HMCN1: variants seen among roughly 807,000 people sequenced by gnomAD.
HMCN1 encodes hemicentin-1.
A neutral mutation model predicts 625.9 loss-of-function variants in HMCN1; 321 were observed. The observed-to-expected ratio is 0.51, with a 90% CI of 0.47 to 0.56. The LOEUF (loss-of-function observed/expected upper bound fraction) is 0.56, where lower values mean the gene tolerates loss of function less well. Ranked by LOEUF, HMCN1 falls within the 20% of genes least tolerant of loss-of-function variation. The pLI is 0.00. For missense variants in HMCN1, 6,588 were observed against 6,887.3 expected (o/e 0.96, Z 1.54); for synonymous variants, 2,425 against 2,417.6 (o/e 1.00, Z -0.09).
intron 1 of HMCN1, among the ~76,000 whole-genome samples, chr1:185,799,751 G>T (rs112639238): frequency 0.05 from 7,606 of 152,148 alleles, 590 homozygotes; most frequent in African/African-American, 0.17. Context: ...AATGGGCTGT[G>T]CAGGTGACCT....
chr1:186,126,227 C>T (rs891308941), intron 82 of HMCN1, among the ~76,000 whole-genome samples: 9 of 149,264 alleles, frequency 6.0e-5, no homozygotes, highest in Admixed American at 2.7e-4. Context: ...CAATCAGAAG[C>T]AGTCATTAAT....
chr1:185,920,494 T>C (rs1379002679), intron 6 of HMCN1, among the ~76,000 whole-genome samples: 1 of 152,188 alleles, frequency 6.6e-6, no homozygotes, highest in Non-Finnish European at 1.5e-5. Context: ...CCTCAGAGAA[T>C]AGTAAACCTA....
rs16824847 is a variant in HMCN1, at chr1:186,000,318, A to G, written c.4069+79A>G. The G allele has an allele frequency of 0.011, 10,779 of 977,120 alleles. 670 individuals are homozygous for G. In the African/African-American group the frequency reaches 0.15, roughly 13 times the overall value. 60.5% of individuals were successfully genotyped at this position (977,120 alleles called of 1,614,324 possible). ...ATGTTTAAATTATTCTCTCAGTGTA[A>G]TATCATTTAATATTAATGTGAATAG... On this transcript the variant is annotated intron_variant, in intron 26 of 106. Transcript: ENST00000271588.
chr1:185,743,549 G>A (rs1250824613), intron 1 of HMCN1, among the ~76,000 whole-genome samples: 1 of 152,218 alleles, frequency 6.6e-6, no homozygotes, highest in East Asian at 1.9e-4. Context: ...TGGATTGGCT[G>A]AAGGGGTGTT....
Position 186,115,403 on chromosome 1 carries a change from GA to G in HMCN1, c.11552del (p.Asn3851ThrfsTer11). Reference sequence around the variant, plus strand: ...ATCTTCTTAATGTGGATCAAAATCAGAACTCATACAGGTAAGGATAATTTAA... The same window carrying G: ...ATCTTCTTAATGTGGATCAAAATCAGACTCATACAGGTAAGGATAATTTAA... ...GHLLNVDQNQ[N>X]SYRLLSSGSL... is the part of the protein sequence containing the mutation. On this transcript the variant is annotated frameshift_variant, in exon 75 of 107. Transcript: ENST00000271588. LOFTEE classifies it high-confidence loss of function. 6.2e-7 allele frequency: 1 copy of G among 1,613,206 alleles called. No homozygotes were observed.
In HMCN1 at chr1:186,045,810, C is replaced by T; in HGVS notation, c.6427C>T (p.Pro2143Ser). The T allele has an allele frequency of 1.9e-6, 3 of 1,612,878 alleles. No homozygotes were observed. Among genetic ancestry groups the T allele is most frequent in the Non-Finnish European group, 2.5e-6 (3 of 1,179,130 alleles). ...TCTTACTTGGTTAAAAGACGGCCACCCCTTGCTGAAGAAACCAGGCCTCAG... is the reference window on the plus strand; with the variant it reads ...TCTTACTTGGTTAAAAGACGGCCACTCCTTGCTGAAGAAACCAGGCCTCAG... ...PTLTWLKDGH[P>S]LLKKPGLSIS... is the part of the protein sequence containing the mutation. Residue 2143 changes from proline to serine, a missense_variant, in exon 41 of 107, where the codon CCC becomes TCC. Physicochemically the swap from Pro to Ser is moderately conservative, Grantham distance 74. Transcript: ENST00000271588.
intron 1 of HMCN1, among the ~76,000 whole-genome samples, chr1:185,798,096 G>A (rs1658528521): frequency 6.6e-6 from 1 of 151,676 alleles, no homozygotes; most frequent in African/African-American, 2.4e-5. Context: ...GGACCAGTCT[G>A]GTGGTGATGA....
intron 1 of HMCN1, among the ~76,000 whole-genome samples, chr1:185,783,603 A>C (rs1657317123): frequency 6.6e-6 from 1 of 152,186 alleles, no homozygotes. Flanking sequence ...AGTTTGCTGG[A>C]GGTCCACTCC....
intron 55 of HMCN1, among the ~76,000 whole-genome samples, chr1:186,080,241 C>A (rs545298605): frequency 6.6e-6 from 1 of 152,218 alleles, no homozygotes; most frequent in East Asian, 1.9e-4. Context: ...ATTTTCTTTA[C>A]AAACTTTCAG....
At chr1:185,783,860 AC>A (rs1657347039) in intron 1 of HMCN1, among the ~76,000 whole-genome samples, 1 of 152,280 alleles carries the variant, frequency 6.6e-6, no homozygotes, top group African/African-American at 2.4e-5. Flanking sequence ...GAACCACTGT[AC>A]CGTCTTCAAA....
In HMCN1 at chr1:185,923,522, C is replaced by T; in HGVS notation, c.1154C>T (p.Pro385Leu). Reference protein sequence around the residue: ...IPVKYYPHRKPYGIWNISDFV... With the variant: ...IPVKYYPHRKLYGIWNISDFV... ...GTTAAATATTACCCACATCGAAAAC[C>T]TTATGGCATATGGAATATTTCTGAC... The change falls in exon 8 of 107, where the codon CCT becomes CTT. Residue 385 changes from proline to leucine, a missense_variant. Pro to Leu is a moderately conservative substitution (Grantham distance 98). Coordinates refer to ENST00000271588, the MANE Select transcript of HMCN1 (RefSeq NM_031935.3). 1 of 1,612,564 alleles carries T rather than the reference C, an allele frequency of 6.2e-7. No homozygotes were observed.
At chr1:186,039,650 C>A in intron 38 of HMCN1, 78 bp from the exon 39 acceptor site, 1 of 1,411,340 alleles carries the variant, frequency 7.1e-7, no homozygotes, top group Non-Finnish European at 1.0e-6. Context: ...ATATTGTAGA[C>A]ATTAGATGTA....
intron 17 of HMCN1, among the ~76,000 whole-genome samples, chr1:185,981,721 G>A (rs888794203): frequency 3.9e-5 from 6 of 151,916 alleles, no homozygotes; most frequent in Admixed American, 3.9e-4. Flanking sequence ...AAATCTCTTA[G>A]GGATTTTACT....
At chr1:185,764,448 G>A (rs887302541) in intron 1 of HMCN1, among the ~76,000 whole-genome samples, 1 of 152,064 alleles carries the variant, frequency 6.6e-6, no homozygotes, top group African/African-American at 2.4e-5. Flanking sequence ...AGGAAGAGTT[G>A]GATTATTGTT....
At chr1:186,037,887 A>G (rs1375716255) in intron 36 of HMCN1, 47 bp from the exon 37 acceptor site, 1 of 1,132,338 alleles carries the variant, frequency 8.8e-7, no homozygotes, top group East Asian at 2.4e-5. Flanking sequence ...ATTTCAGCTT[A>G]AATATTCTAC....
chr1:186,161,152 T>C (rs1651444097), intron 97 of HMCN1, among the ~76,000 whole-genome samples: 2 of 150,902 alleles, frequency 1.3e-5, no homozygotes, highest in South Asian at 4.2e-4. Context: ...TCTTGTTGAA[T>C]TGATCCCTTT....
At chr1:185,914,675 C>T (rs1666602849) in intron 6 of HMCN1, among the ~76,000 whole-genome samples, 1 of 151,922 alleles carries the variant, frequency 6.6e-6, no homozygotes, top group African/African-American at 2.4e-5. Flanking sequence ...AACTATCCCA[C>T]AAAGTTCAGC....
At chr1:186,180,653 A>G (rs540173007) in intron 104 of HMCN1, among the ~76,000 whole-genome samples, 2 of 152,238 alleles carry the variant, frequency 1.3e-5, no homozygotes, top group African/African-American at 2.4e-5. Context: ...TGTTATCACA[A>G]TCGTCTTCCT....
intron 36 of HMCN1, 133 bp from the exon 37 acceptor site, chr1:186,037,801 T>C: frequency 1.5e-6 from 1 of 667,676 alleles, no homozygotes; most frequent in Non-Finnish European, 2.7e-6. Flanking sequence ...AGTTTACTTT[T>C]ATTCCAAATA....
Sources: allele counts gnomAD v4.1 joint callset (sites outside exome capture counted in the v4.1 genomes callset), GRCh38; gene constraint gnomAD v4.1.1; transcripts MANE v1.5; gene names NCBI Gene and HGNC (gene_info 2026-07-23, HGNC 2026-07-21).